EXOC6B: variants seen among roughly 807,000 people sequenced by gnomAD.
EXOC6B encodes exocyst complex component 6B.
A neutral mutation model predicts 113.5 loss-of-function variants in EXOC6B; 54 were observed. The observed-to-expected ratio is 0.48, with a 90% confidence interval of 0.38 to 0.60. EXOC6B has a LOEUF of 0.60. EXOC6B is among the 20% of genes least tolerant of loss of function. The pLI is 0.00. For synonymous variants in EXOC6B, 357 were observed against 339.0 expected, an observed-to-expected ratio of 1.05 and a Z score of -0.58; for missense variants, 797 against 977.5, an observed-to-expected ratio of 0.82 and a Z score of 2.46.
intron 6 of EXOC6B, among the ~76,000 whole-genome samples, chr2:72,683,230 T>G (rs185366458): frequency 1.3e-3 from 199 of 152,332 alleles, no homozygotes; most frequent in African/African-American, 4.6e-3. Context: ...TGTTTTTCAT[T>G]GTGGATTCTC....
chr2:72,299,577 T>TG (rs1255049199), intron 20 of EXOC6B, among the ~76,000 whole-genome samples: 1 of 152,112 alleles, frequency 6.6e-6, no homozygotes, highest in Non-Finnish European at 1.5e-5. Context: ...GGCGATCCTT[T>TG]GGGGTGATCC....
chr2:72,695,858 G>A (rs557913691), intron 6 of EXOC6B, among the ~76,000 whole-genome samples: 4 of 152,182 alleles, frequency 2.6e-5, no homozygotes, highest in Non-Finnish European at 5.9e-5. Context: ...TCACTCCAGT[G>A]CAGTGGGAAG....
chr2:72,180,650 T>C (rs1441320732), intron 21 of EXOC6B, among the ~76,000 whole-genome samples: 1 of 152,190 alleles, frequency 6.6e-6, no homozygotes, highest in African/African-American at 2.4e-5. Flanking sequence ...CACCGGGCTA[T>C]AAATTGCCCC....
chr2:72,420,731 T>C (rs958588606), intron 18 of EXOC6B, among the ~76,000 whole-genome samples: 8 of 152,226 alleles, frequency 5.3e-5, no homozygotes, highest in Non-Finnish European at 1.2e-4. Context: ...GAATGATTTA[T>C]AATCCTTTGG....
At chr2:72,237,190 G>T (rs1188879875) in intron 20 of EXOC6B, among the ~76,000 whole-genome samples, 1 of 152,128 alleles carries the variant, frequency 6.6e-6, no homozygotes, top group African/African-American at 2.4e-5. Flanking sequence ...GTTATATGAG[G>T]CTGTGGGAAT....
intron 18 of EXOC6B, among the ~76,000 whole-genome samples, chr2:72,386,852 AAATGT>A (rs1475065020): frequency 1.3e-5 from 2 of 152,212 alleles, no homozygotes; most frequent in African/African-American, 4.8e-5. Context: ...CACCTTAAAT[AAATGT>A]AATGTAATTT....
intron 8 of EXOC6B, among the ~76,000 whole-genome samples, chr2:72,527,549 T>C (rs1206442013): frequency 6.6e-6 from 1 of 152,030 alleles, no homozygotes; most frequent in South Asian, 2.1e-4. Flanking sequence ...CTTATTTTCA[T>C]ATCATTTATT....
intron 1 of EXOC6B, among the ~76,000 whole-genome samples, chr2:72,787,355 G>T (rs1352005913): frequency 6.6e-6 from 1 of 151,760 alleles, no homozygotes; most frequent in Admixed American, 6.6e-5. Context: ...GAGATTATAA[G>T]CATGTGCCAC....
chr2:72,757,632 A>T (rs550967071), intron 1 of EXOC6B, among the ~76,000 whole-genome samples: 1 of 152,272 alleles, frequency 6.6e-6, no homozygotes, highest in Non-Finnish European at 1.5e-5. Context: ...TTTTCATAGC[A>T]TGTACACCCT....
At chr2:72,356,568 C>T (rs368657329) in intron 19 of EXOC6B, among the ~76,000 whole-genome samples, 3 of 152,132 alleles carry the variant, frequency 2.0e-5, no homozygotes. Flanking sequence ...AACTAACTAA[C>T]TAACATTACC....
chr2:72,229,191 T>A (rs981508389), intron 20 of EXOC6B, among the ~76,000 whole-genome samples: 1 of 152,096 alleles, frequency 6.6e-6, no homozygotes, highest in Non-Finnish European at 1.5e-5. Flanking sequence ...TAGTGATGCC[T>A]TTAATGGGGA....
At chr2:72,727,474 C>T (rs1036359183) in intron 5 of EXOC6B, among the ~76,000 whole-genome samples, 1 of 152,100 alleles carries the variant, frequency 6.6e-6, no homozygotes, top group African/African-American at 2.4e-5. Context: ...CAACTAAAAG[C>T]AACATGTGAT....
intron 1 of EXOC6B, among the ~76,000 whole-genome samples, chr2:72,772,630 C>A (rs1183811852): frequency 1.3e-5 from 2 of 152,084 alleles, no homozygotes; most frequent in Non-Finnish European, 2.9e-5. Context: ...ACCCAGGCAA[C>A]AGGACTGATC....
At chr2:72,280,155 C>A (rs1215495155) in intron 20 of EXOC6B, among the ~76,000 whole-genome samples, 1 of 152,026 alleles carries the variant, frequency 6.6e-6, no homozygotes, top group African/African-American at 2.4e-5. Flanking sequence ...TTTTATCATT[C>A]TAGTTCTTCC....
chr2:72,329,372 C>T (rs1688308566), intron 20 of EXOC6B, among the ~76,000 whole-genome samples: 1 of 152,036 alleles, frequency 6.6e-6, no homozygotes, highest in Admixed American at 6.6e-5. Flanking sequence ...CCTGCCCCAC[C>T]CCAGCCCCAC....
At chr2:72,675,820 G>C (rs1394487679) in intron 6 of EXOC6B, among the ~76,000 whole-genome samples, 3 of 151,860 alleles carry the variant, frequency 2.0e-5, no homozygotes, top group East Asian at 3.9e-4. Context: ...AAGTTGGTGG[G>C]GGCGGGGGGG....
chr2:72,495,764 A>G (rs927551500), intron 14 of EXOC6B, among the ~76,000 whole-genome samples: 3 of 152,202 alleles, frequency 2.0e-5, no homozygotes, highest in African/African-American at 7.2e-5. Flanking sequence ...AGATAAACAA[A>G]TTGTGTTACA....
At chr2:72,228,513 C>G (rs568623327) in intron 20 of EXOC6B, among the ~76,000 whole-genome samples, 7 of 150,198 alleles carry the variant, frequency 4.7e-5, no homozygotes, top group Non-Finnish European at 7.4e-5. Context: ...TGAGAACATG[C>G]GGTGTTTGGT....
At chr2:72,783,377 T>C (rs1400195467) in intron 1 of EXOC6B, among the ~76,000 whole-genome samples, 3 of 133,916 alleles carry the variant, frequency 2.2e-5, no homozygotes, top group Non-Finnish European at 4.6e-5. Flanking sequence ...CAGGCTGGAG[T>C]GCAGTGGCGC....
Sources: allele counts gnomAD v4.1 joint callset (sites outside exome capture counted in the v4.1 genomes callset), GRCh38; gene constraint gnomAD v4.1.1; transcripts MANE v1.5; gene names NCBI Gene and HGNC (gene_info 2026-07-23, HGNC 2026-07-21).